The following MUCL1 variants were observed in gnomAD, a reference collection of about 807,000 sequenced individuals.
MUCL1 encodes mucin like 1, also known as mucin-like protein 1.
A neutral mutation model predicts 9.2 loss-of-function variants in MUCL1; 11 were observed. The observed-to-expected ratio is 1.19, with a 90% CI of 0.75 to 1.97. The LOEUF (loss-of-function observed/expected upper bound fraction) is 1.97, where lower values mean the gene tolerates loss of function less well. Ranked by LOEUF, MUCL1 falls within the 30% of genes most tolerant of loss-of-function variation. The pLI, the probability that MUCL1 is intolerant of heterozygous loss-of-function variation, is 0.00. For missense variants in MUCL1, 144 were observed against 110.9 expected, an observed-to-expected ratio of 1.30 and a Z score of -1.34; for synonymous variants, 48 against 40.5, an observed-to-expected ratio of 1.19 and a Z score of -0.71.
chr12:54,852,576 C>T (rs563115355), upstream of MUCL1, among the ~76,000 whole-genome samples: 1 of 152,306 alleles, frequency 6.6e-6, no homozygotes, highest in Admixed American at 6.5e-5. Context: ...GTTTAATCCA[C>T]TGTGCAGTTT....
At chr12:54,844,354 T>C (rs535832557) in intron 1 of MUCL1, among the ~76,000 whole-genome samples, 2 of 152,146 alleles carry the variant, frequency 1.3e-5, no homozygotes, top group Admixed American at 6.5e-5. Flanking sequence ...CCCTAAGAGG[T>C]TGCTGAGGAA....
At chr12:54,846,523 C>A (rs1565776587) in intron 1 of MUCL1, among the ~76,000 whole-genome samples, 2 of 152,130 alleles carry the variant, frequency 1.3e-5, no homozygotes, top group Non-Finnish European at 2.9e-5. Flanking sequence ...CAGCTTGGGG[C>A]AGCCCTTCAA....
intron 3 of MUCL1, 26 bp downstream of exon 3, chr12:54,856,918 C>T: frequency 1.9e-6 from 3 of 1,613,306 alleles, no homozygotes; most frequent in Non-Finnish European, 2.5e-6. Context: ...CATCTGTGTG[C>T]TTCCTTTATG....
At chr12:54,851,982 A>T (rs1487497215), upstream of MUCL1, among the ~76,000 whole-genome samples, 1 of 152,230 alleles carries the variant, frequency 6.6e-6, no homozygotes, top group Non-Finnish European at 1.5e-5. Flanking sequence ...GAGAACTACA[A>T]ATCACTGCTC....
chr12:54,854,977 C>T, intron 1 of MUCL1, 139 bp from the exon 2 acceptor site: 1 of 714,796 alleles, frequency 1.4e-6, no homozygotes. Context: ...TATCTGTGCA[C>T]TTGTTCTTCC....
In MUCL1 at chr12:54,858,083, C is replaced by T. The variant is rs112968647; in HGVS notation, c.224-110C>T. On this transcript the variant is annotated intron_variant, in intron 3 of 3. Coordinates refer to ENST00000308796, the MANE Select transcript of MUCL1 (RefSeq NM_058173.3). The stretch of plus-strand genomic sequence containing the variant: ...CAATCCCATGTTCCTTTCGAATCCC[C>T]TGAGTTTAGTTGACATTTGACACTT... 8.4e-6 allele frequency: 11 copies of T among 1,304,410 alleles called. No individual in the cohort carries two copies. In the African/African-American group the frequency reaches 1.3e-4, roughly 15 times the overall value. The allele number at this position is 1,304,410 out of a possible 1,614,324, so 80.8% of individuals were successfully genotyped here.
Position 54,856,800 on chromosome 12 carries a change from C to T in MUCL1, c.131C>T (p.Ala44Val), listed in dbSNP as rs1455015775. 14 of 1,613,110 alleles carry T rather than the reference C, an allele frequency of 8.7e-6. No homozygotes were observed. Among genetic ancestry groups the T allele is most frequent in the Non-Finnish European group, 1.2e-5 (14 of 1,179,648 alleles). The change falls in exon 3 of 4, where the codon GCT becomes GTT. Residue 44 changes from alanine (A) to valine (V), a missense_variant. Ala to Val is a moderately conservative substitution (Grantham distance 64). Transcript: ENST00000308796. ...CCTGCTGATGATGAAGCCCCTGATG[C>T]TGAAACCACTGCTGCTGCAACCACT... is the stretch of plus-strand genomic sequence containing the variant. ...TGPADDEAPD[A>V]ETTAAATTAT...
intron 1 of MUCL1, chr12:54,839,469 T>C (rs576504207): frequency 3.0e-4 from 207 of 701,612 alleles, no homozygotes; most frequent in Non-Finnish European, 4.9e-4. Context: ...CGACATCCAA[T>C]TGTGGACAGA....
chr12:54,833,770 A>G (rs1439766142), intron 1 of MUCL1, among the ~76,000 whole-genome samples: 2 of 143,832 alleles, frequency 1.4e-5, no homozygotes, highest in African/African-American at 2.5e-5. Flanking sequence ...GAATTGAACA[A>G]TGAGAACACA....
chr12:54,857,231 A>AGTGTGT (rs34504933), intron 3 of MUCL1, among the ~76,000 whole-genome samples: 11,603 of 142,452 alleles, frequency 0.081, 478 homozygotes, highest in Non-Finnish European at 0.088. Context: ...TAAATCAGGT[A>AGTGTGT]GTGTGTGTGT....
upstream of MUCL1, among the ~76,000 whole-genome samples, chr12:54,851,531 G>A (rs941209203): frequency 2.6e-5 from 4 of 152,156 alleles, no homozygotes; most frequent in Non-Finnish European, 4.4e-5. Flanking sequence ...AGCTATCTAC[G>A]ACAAACCCAC....
At chr12:54,855,579 G>A in intron 2 of MUCL1, 1 of 196,028 alleles carries the variant, frequency 5.1e-6, no homozygotes, top group South Asian at 9.7e-5. Flanking sequence ...ACAAGTGAGG[G>A]TGGTGTGTGG....
At chr12:54,836,331 A>G (rs974291636), upstream of MUCL1, among the ~76,000 whole-genome samples, 1 of 152,058 alleles carries the variant, frequency 6.6e-6, no homozygotes, top group Non-Finnish European at 1.5e-5. Flanking sequence ...GGAGGGTTGT[A>G]TGTTTCTAGA....
chr12:54,858,085 G>A (rs1008807306), intron 3 of MUCL1, 108 bp from the exon 4 acceptor site: 1 of 1,307,510 alleles, frequency 7.6e-7, no homozygotes, highest in East Asian at 2.3e-5. Flanking sequence ...CGAATCCCCT[G>A]AGTTTAGTTG....
Position 54,858,260 on chromosome 12 carries a change from T to G in MUCL1, c.*18T>G. ...GTCCCTGAGATGGAATCAGCTTGAGTCTTCTGCAATTGGTCACAACTATTC... is the reference window on the plus strand; with the variant it reads ...GTCCCTGAGATGGAATCAGCTTGAGGCTTCTGCAATTGGTCACAACTATTC... On this transcript the variant is annotated 3_prime_UTR_variant, in exon 4 of 4. Transcript: ENST00000308796. 1 of 1,613,250 alleles carries G rather than the reference T, an allele frequency of 6.2e-7. No homozygotes were observed. The highest frequency in any genetic ancestry group is 8.5e-7 in the Non-Finnish European group (1 of 1,179,422).
chr12:54,848,232 C>G (rs527837146), intron 1 of MUCL1, among the ~76,000 whole-genome samples: 7 of 152,144 alleles, frequency 4.6e-5, no homozygotes, highest in East Asian at 1.9e-4. Context: ...CTGAAGACCT[C>G]TCTTCAGGTT....
chr12:54,849,943 C>G (rs1453308336), upstream of MUCL1, among the ~76,000 whole-genome samples: 1 of 152,194 alleles, frequency 6.6e-6, no homozygotes, highest in Non-Finnish European at 1.5e-5. Flanking sequence ...TTCATGTCCT[C>G]TGCACACTCA....
chr12:54,855,506 T>A, intron 2 of MUCL1: 1 of 250,816 alleles, frequency 4.0e-6, no homozygotes, highest in East Asian at 8.6e-5. Flanking sequence ...ATATAGCCAG[T>A]GTCAAAAAGA....
intron 1 of MUCL1, among the ~76,000 whole-genome samples, chr12:54,831,209 C>T (rs57625601): frequency 0.011 from 1,741 of 152,040 alleles, 37 homozygotes; most frequent in African/African-American, 0.039. Flanking sequence ...TTTTCTACTC[C>T]CAAATGGTAT....
Sources: gnomAD v4.1 joint callset for allele counts (sites outside exome capture counted in the v4.1 genomes callset) on GRCh38, gnomAD v4.1.1 for gene constraint, MANE v1.5 for transcripts, NCBI Gene and HGNC (gene_info 2026-07-23, HGNC 2026-07-21) for gene names.